The following SLCO2B1 variants were observed in gnomAD, a reference collection of about 807,000 sequenced individuals.
SLCO2B1 encodes the protein solute carrier organic anion transporter family member 2B1.
Under a neutral mutation model 67.3 loss-of-function variants are expected in SLCO2B1, and 41 were observed. The observed-to-expected ratio is 0.61, with a 90% CI of 0.47 to 0.79. SLCO2B1 has a LOEUF of 0.79. Ranked by LOEUF, SLCO2B1 falls within the 30% of genes least tolerant of loss-of-function variation. The probability of loss-of-function intolerance (pLI) is 0.00; values close to 1 mark genes in which losing one functional copy is unlikely to be tolerated. For missense variants in SLCO2B1, 837 were observed against 920.1 expected (o/e 0.91, Z 1.17); for synonymous variants, 379 against 381.4 (o/e 0.99, Z 0.07).
At chr11:75,163,554 G>C (rs1480243025) in intron 2 of SLCO2B1, among the ~76,000 whole-genome samples, 8 of 152,056 alleles carry the variant, frequency 5.3e-5, no homozygotes, top group Non-Finnish European at 1.0e-4. Context: ...CCCAGCCAAG[G>C]GGGGCTCTGA....
At chr11:75,172,341 C>T in intron 6 of SLCO2B1, 38 bp from the exon 7 acceptor site, 1 of 1,567,392 alleles carries the variant, frequency 6.4e-7, no homozygotes, top group Non-Finnish European at 8.7e-7. Context: ...GACAGCCTAT[C>T]ATCCTGACCC....
intron 6 of SLCO2B1, among the ~76,000 whole-genome samples, chr11:75,171,769 C>A (rs1474137436): frequency 6.6e-6 from 1 of 152,164 alleles, no homozygotes; most frequent in Non-Finnish European, 1.5e-5. Context: ...CACCTTCCCA[C>A]CCCACTCTGT....
At chr11:75,184,761 C>G (rs1950129776) in intron 7 of SLCO2B1, among the ~76,000 whole-genome samples, 1 of 152,172 alleles carries the variant, frequency 6.6e-6, no homozygotes. Context: ...CTCATGGAAC[C>G]CACAGACTGC....
intron 6 of SLCO2B1, chr11:75,169,983 T>C (rs537318865): frequency 7.4e-6 from 4 of 544,086 alleles, no homozygotes; most frequent in Non-Finnish European, 1.3e-5. Flanking sequence ...ATGGTGGAGA[T>C]AAACTGTAAA....
intron 7 of SLCO2B1, among the ~76,000 whole-genome samples, chr11:75,186,274 T>A (rs987837303): frequency 1.9e-4 from 29 of 151,466 alleles, no homozygotes; most frequent in Non-Finnish European, 3.2e-4. Flanking sequence ...AGTGGTACGA[T>A]CTCAGCTCAC....
intron 4 of SLCO2B1, 43 bp downstream of exon 4, chr11:75,165,992 T>A (rs1436364989): frequency 6.3e-7 from 1 of 1,585,536 alleles, no homozygotes; most frequent in Non-Finnish European, 8.6e-7. Context: ...CGTTAGCCTC[T>A]GCATTGCTTT....
intron 8 of SLCO2B1, among the ~76,000 whole-genome samples, chr11:75,192,256 C>T (rs1945033098): frequency 6.6e-6 from 1 of 152,218 alleles, no homozygotes. Context: ...CCATTCATTC[C>T]TTCCTTCATT....
chr11:75,200,571 G>T, intron 11 of SLCO2B1, 184 bp downstream of exon 11: 1 of 530,828 alleles, frequency 1.9e-6, no homozygotes, highest in Non-Finnish European at 3.2e-6. Flanking sequence ...TCCCCATCTT[G>T]CAGATAAGAA....
At chr11:75,168,902 C>T (rs889938634) in intron 4 of SLCO2B1, among the ~76,000 whole-genome samples, 1 of 152,216 alleles carries the variant, frequency 6.6e-6, no homozygotes, top group East Asian at 1.9e-4. Context: ...AATGCCTCAG[C>T]TCAGAAAGGT....
At chr11:75,153,915 T>C (rs1374691292) in intron 1 of SLCO2B1, among the ~76,000 whole-genome samples, 1 of 148,528 alleles carries the variant, frequency 6.7e-6, no homozygotes, top group Non-Finnish European at 1.5e-5. Context: ...CCCAATCATG[T>C]GTACAGTACT....
Position 75,175,138 on chromosome 11 carries a change from G to A in SLCO2B1, c.972+2569G>A, listed in dbSNP as rs531955305. On this transcript the variant is annotated intron_variant, in intron 7 of 13. Transcript: ENST00000289575. ...CAGCACACTGGGGATGGGGAGTGGG[G>A]AGGGAAGGGGGTGAGAGGTTCTTTA... is the stretch of plus-strand genomic sequence containing the variant. Among the ~76,000 whole-genome samples the A allele has an allele frequency of 7.9e-5, 12 of 152,314 alleles. No homozygotes were observed. In the South Asian group the frequency reaches 2.5e-3, roughly 32 times the overall value.
At position 75,162,746 on chromosome 11, in the gene SLCO2B1, C is replaced by A. The variant is rs1370049934; in HGVS notation, c.108C>A (p.Asp36Glu). 1 of 1,614,070 alleles carries A rather than the reference C, an allele frequency of 6.2e-7. No homozygotes were observed. Among genetic ancestry groups the A allele is most frequent in the South Asian group, 1.1e-5 (1 of 91,066 alleles). ...ENTPGGKASP[D>E]PQDVRPSVFH... The stretch of plus-strand genomic sequence containing the variant: ...CACCTGGAGGCAAAGCCAGCCCAGA[C>A]CCTCAGGACGTGCGGCCAAGTGTGT... The change falls in exon 2 of 14, where the codon GAC becomes GAA. Residue 36 changes from aspartate (D) to glutamate (E), a missense_variant. Asp to Glu is a conservative substitution (Grantham distance 45). Transcript: ENST00000289575.
At chr11:75,198,017 C>T (rs774394612) in intron 10 of SLCO2B1, among the ~76,000 whole-genome samples, 2 of 152,212 alleles carry the variant, frequency 1.3e-5, no homozygotes, top group African/African-American at 2.4e-5. Flanking sequence ...TCCCTCTCTC[C>T]AGAGTCCTCC....
Position 75,162,717 on chromosome 11 carries a change from A to G in SLCO2B1, c.79A>G (p.Asn27Asp). The change falls in exon 2 of 14, where the codon AAC (asparagine) becomes GAC (aspartate). Residue 27 changes from asparagine to aspartate, a missense_variant. Physicochemically the swap from Asn to Asp is conservative, Grantham distance 23. Transcript: ENST00000289575. ...AACCAAAGCCACAATGGGCACAGAA[A>G]ACACACCTGGAGGCAAAGCCAGCCC... ...KETKATMGTE[N>D]TPGGKASPDP... 3.9e-6 allele frequency: 6 copies of G among 1,542,542 alleles called. No homozygotes were observed. Among genetic ancestry groups the G allele is most frequent in the Non-Finnish European group, 5.3e-6 (6 of 1,137,724 alleles).
rs1187468861 is a variant in SLCO2B1, at chr11:75,151,231, G to C, written c.-151G>C. ...GTGTGGCCCAAGAAGAACTGACCCC[G>C]TGTCTGGAGCTCCCACCGTTATTGC... On this transcript the variant is annotated 5_prime_UTR_variant, in exon 1 of 14. Coordinates refer to ENST00000289575, the MANE Select transcript of SLCO2B1 (RefSeq NM_007256.5). 1 of 654,346 alleles carries C rather than the reference G, an allele frequency of 1.5e-6. No homozygotes were observed. Among genetic ancestry groups the C allele is most frequent in the African/African-American group, 1.8e-5 (1 of 55,218 alleles). 40.5% of individuals were successfully genotyped at this position (654,346 alleles called of 1,614,324 possible).
intron 10 of SLCO2B1, among the ~76,000 whole-genome samples, chr11:75,198,652 G>A (rs1429952092): frequency 1.3e-5 from 2 of 152,196 alleles, no homozygotes; most frequent in Non-Finnish European, 2.9e-5. Context: ...ATTTGGAGGA[G>A]GGTGCAGCTG....
intron 1 of SLCO2B1, among the ~76,000 whole-genome samples, chr11:75,155,877 G>A (rs887146937): frequency 3.3e-5 from 5 of 152,162 alleles, no homozygotes; most frequent in African/African-American, 4.8e-5. Context: ...TTTGGGGAAT[G>A]GCAAGAATCT....
chr11:75,162,487 C>G (rs1009206111), intron 1 of SLCO2B1, among the ~76,000 whole-genome samples, 168 bp from the exon 2 acceptor site: 2 of 152,108 alleles, frequency 1.3e-5, no homozygotes, highest in Non-Finnish European at 2.9e-5. Flanking sequence ...AGAACTGTGA[C>G]CTAAGAATGA....
At chr11:75,188,054 C>A in intron 7 of SLCO2B1, 82 bp from the exon 8 acceptor site, 1 of 877,464 alleles carries the variant, frequency 1.1e-6, no homozygotes, top group Non-Finnish European at 1.9e-6. Context: ...CTCTCCAAGA[C>A]CTCTCCTCCC....
Sources: allele counts gnomAD v4.1 joint callset (sites outside exome capture counted in the v4.1 genomes callset), GRCh38; gene constraint gnomAD v4.1.1; transcripts MANE v1.5; gene names NCBI Gene and HGNC (gene_info 2026-07-23, HGNC 2026-07-21).